CATSPERT: variants seen among roughly 807,000 people sequenced by gnomAD.
The protein encoded by CATSPERT is catsper channel auxiliary subunit tau.
At chr2:201,488,867 AC>A in the CATSPERT span, among the ~76,000 whole-genome samples, 1 of 152,234 alleles carries the variant, frequency 6.6e-6, no homozygotes, top group African/African-American at 2.4e-5. Flanking sequence ...AGGCAAGAAA[AC>A]ATTCTTCCTC....
At chr2:201,507,695 A>G in the CATSPERT span, among the ~76,000 whole-genome samples, 6 of 152,226 alleles carry the variant, frequency 3.9e-5, no homozygotes, top group Non-Finnish European at 7.3e-5. Flanking sequence ...GTCCATTTGC[A>G]CACAACTATA....
the CATSPERT span, among the ~76,000 whole-genome samples, chr2:201,509,088 T>A: frequency 3.3e-5 from 5 of 150,888 alleles, no homozygotes; most frequent in Non-Finnish European, 4.4e-5. Flanking sequence ...TTTTCCATAG[T>A]GGCTGCATCA....
the CATSPERT span, among the ~76,000 whole-genome samples, chr2:201,585,570 A>G: frequency 2.6e-5 from 4 of 152,148 alleles, no homozygotes; most frequent in Non-Finnish European, 5.9e-5. Flanking sequence ...AGGTAAACTA[A>G]ACAAATATAG....
chr2:201,513,079 A>G, the CATSPERT span, among the ~76,000 whole-genome samples: 6 of 151,528 alleles, frequency 4.0e-5, no homozygotes, highest in South Asian at 1.2e-3. Flanking sequence ...CTTAAAGTAT[A>G]ATAATAATAA....
chr2:201,497,089 A>C, the CATSPERT span, among the ~76,000 whole-genome samples: 3 of 152,248 alleles, frequency 2.0e-5, no homozygotes, highest in Admixed American at 2.0e-4. Context: ...ACTATGGACT[A>C]AATTAATTAA....
At chr2:201,534,002 A>G in the CATSPERT span, among the ~76,000 whole-genome samples, 1 of 152,124 alleles carries the variant, frequency 6.6e-6, no homozygotes, top group African/African-American at 2.4e-5. Context: ...AAGGAGAAGG[A>G]TAATTCCCAA....
chr2:201,514,450 A>G, the CATSPERT span, among the ~76,000 whole-genome samples: 43,585 of 152,084 alleles, frequency 0.29, 6,615 homozygotes, highest in Admixed American at 0.38. Context: ...CATATCAGTA[A>G]TTTCAGAAAC....
At chr2:201,513,900 C>A in the CATSPERT span, among the ~76,000 whole-genome samples, 1 of 152,166 alleles carries the variant, frequency 6.6e-6, no homozygotes, top group Non-Finnish European at 1.5e-5. Context: ...ACAGTCATTT[C>A]TAGAAAATCT....
the CATSPERT span, chr2:201,536,363 T>C: frequency 1.3e-6 from 2 of 1,533,590 alleles, no homozygotes; most frequent in East Asian, 2.3e-5. Flanking sequence ...TTAATCATTA[T>C]TGACTGGAAA....
chr2:201,569,648 A>G, the CATSPERT span, among the ~76,000 whole-genome samples: 6 of 152,198 alleles, frequency 3.9e-5, no homozygotes, highest in South Asian at 1.2e-3. Context: ...TCACAAACTC[A>G]TTTCTCATAG....
At chr2:201,599,962 A>AAAAC in the CATSPERT span, among the ~76,000 whole-genome samples, 2 of 152,198 alleles carry the variant, frequency 1.3e-5, no homozygotes, top group Non-Finnish European at 2.9e-5. Flanking sequence ...TTCATTGCTT[A>AAAAC]AAACAAACAA....
the CATSPERT span, among the ~76,000 whole-genome samples, chr2:201,595,608 AG>A: frequency 6.0e-4 from 91 of 152,022 alleles, no homozygotes; most frequent in African/African-American, 2.2e-3. Flanking sequence ...CTCGGGGGTC[AG>A]GGGTCAGGGA....
chr2:201,574,054 A>C, the CATSPERT span, among the ~76,000 whole-genome samples: 1 of 152,234 alleles, frequency 6.6e-6, no homozygotes, highest in African/African-American at 2.4e-5. Flanking sequence ...CTTTAGGCTG[A>C]AGAGAAGCCC....
chr2:201,606,355 T>C, the CATSPERT span, among the ~76,000 whole-genome samples: 1 of 152,140 alleles, frequency 6.6e-6, no homozygotes, highest in African/African-American at 2.4e-5. Flanking sequence ...AAGGGCAACA[T>C]ACAAAGCAAT....
At chr2:201,590,119 A>G in the CATSPERT span, among the ~76,000 whole-genome samples, 11 of 151,966 alleles carry the variant, frequency 7.2e-5, no homozygotes, top group South Asian at 2.1e-4. Flanking sequence ...ATATCTCCCA[A>G]TGCTATCCCT....
the CATSPERT span, chr2:201,571,961 T>A: frequency 0.048 from 77,038 of 1,612,984 alleles, 1,983 homozygotes; most frequent in African/African-American, 0.076. Context: ...CTGTTCTTTC[T>A]GGAGGTGGTG....
chr2:201,608,172 G>A, the CATSPERT span, among the ~76,000 whole-genome samples: 1 of 152,120 alleles, frequency 6.6e-6, no homozygotes, highest in African/African-American at 2.4e-5. Flanking sequence ...GGGGCAGACA[G>A]GGTCTTGCTT....
chr2:201,590,038 G>T, the CATSPERT span, among the ~76,000 whole-genome samples: 3 of 151,680 alleles, frequency 2.0e-5, no homozygotes, highest in South Asian at 2.1e-4. Context: ...ACAATGTGCA[G>T]GTTAGTTACA....
the CATSPERT span, among the ~76,000 whole-genome samples, chr2:201,561,173 T>G: frequency 6.6e-6 from 1 of 152,252 alleles, no homozygotes; most frequent in Non-Finnish European, 1.5e-5. Context: ...TTTGTGATAA[T>G]TTGTTATGCA....
Sources: allele counts gnomAD v4.1 joint callset (sites outside exome capture counted in the v4.1 genomes callset), GRCh38; gene constraint gnomAD v4.1.1; transcripts MANE v1.5; gene names NCBI Gene and HGNC (gene_info 2026-07-23, HGNC 2026-07-21).